Variants in CEMIP observed in about 807,000 individuals in gnomAD.
CEMIP encodes cell migration inducing hyaluronidase 1, also known as cell migration-inducing and hyaluronan-binding protein.
Under a neutral mutation model 156.9 loss-of-function variants are expected in CEMIP, and 105 were observed. That is an observed-to-expected ratio of 0.67 (90% CI 0.57 to 0.79). CEMIP has a LOEUF of 0.79. Ranked by LOEUF, CEMIP falls within the 30% of genes least tolerant of loss-of-function variation. The pLI is 0.00. For synonymous variants in CEMIP, 676 were observed against 668.4 expected (o/e 1.01, Z -0.17); for missense variants, 1,457 against 1,769.4 (o/e 0.82, Z 3.17).
rs117237943 is a variant in CEMIP at position 80,904,196 on chromosome 15, A to G, written c.1412-2467A>G. Among the ~76,000 whole-genome samples, 5 of 152,320 alleles carry G rather than the reference A, an allele frequency of 3.3e-5. No homozygotes were observed. In the East Asian group the frequency reaches 9.7e-4, roughly 29 times the overall value. On this transcript the variant is annotated intron_variant, in intron 12 of 29. Transcript: ENST00000394685. ...CCATTGCAGTAAATGAAATCTTTCT[A>G]AGATTATTATTACTTAAAGTCTGAT...
intron 1 of CEMIP, among the ~76,000 whole-genome samples, chr15:80,802,447 T>C (rs977938514): frequency 2.6e-5 from 4 of 152,306 alleles, no homozygotes; most frequent in African/African-American, 9.6e-5. Context: ...TTACCCACAG[T>C]GTCAGCAATG....
At chr15:80,908,534 A>G (rs1010782204) in intron 13 of CEMIP, among the ~76,000 whole-genome samples, 7 of 152,162 alleles carry the variant, frequency 4.6e-5, no homozygotes, top group Non-Finnish European at 8.8e-5. Context: ...GAATGGGTCT[A>G]TGCATATCGT....
At chr15:80,828,518 A>T (rs900581574) in intron 1 of CEMIP, among the ~76,000 whole-genome samples, 3 of 152,248 alleles carry the variant, frequency 2.0e-5, no homozygotes, top group Non-Finnish European at 4.4e-5. Context: ...CTTGATTTGA[A>T]AGACATATTT....
rs187392551 is a variant in CEMIP, at chr15:80,903,228, C to T, written c.1412-3435C>T. The T allele has an allele frequency of 4.7e-3, 722 of 152,342 alleles. 3 individuals carry two copies. Among genetic ancestry groups the T allele is most frequent in the Middle Eastern group, 0.02 (6 of 294 alleles). 9.4% of individuals were successfully genotyped at this position (152,342 alleles called of 1,614,324 possible). A position where few individuals can be genotyped will look rare whatever the true frequency, so the allele number is the denominator to read the frequency against. On this transcript the variant is annotated intron_variant, in intron 12 of 29. Coordinates refer to ENST00000394685, the MANE Select transcript of CEMIP (RefSeq NM_001293298.2). ...GATGCTGGCAAGTTGAGAGAAGCAC[C>T]CAGAGCACCAGGATGCACGTGCTGT...
chr15:80,926,836 C>CTTTTTTTTTTTTTTTTTTTT (rs796068914), intron 19 of CEMIP, among the ~76,000 whole-genome samples: 3 of 106,766 alleles, frequency 2.8e-5, no homozygotes, highest in African/African-American at 1.6e-4. Flanking sequence ...GGGGGGTCTT[C>CTTTTTTTTTTTTTTTTTTTT]TTTTTTTTTT....
chr15:80,803,555 T>C (rs1896435063), intron 1 of CEMIP, among the ~76,000 whole-genome samples: 1 of 152,152 alleles, frequency 6.6e-6, no homozygotes, highest in Non-Finnish European at 1.5e-5. Context: ...AAGATGACAA[T>C]GATGATGCTG....
chr15:80,823,375 C>T (rs1157223174), intron 1 of CEMIP, among the ~76,000 whole-genome samples: 4 of 152,108 alleles, frequency 2.6e-5, no homozygotes, highest in Admixed American at 6.5e-5. Context: ...GAGATGATGC[C>T]GTCAGTGAGA....
intron 16 of CEMIP, among the ~76,000 whole-genome samples, 176 bp from the exon 17 acceptor site, chr15:80,921,831 ACT>A (rs1900482591): frequency 2.0e-5 from 3 of 152,178 alleles, no homozygotes; most frequent in Admixed American, 1.3e-4. Context: ...TCTACTTTTC[ACT>A]GTTTTCCCCC....
chr15:80,784,944 C>G (rs1895891458), intron 1 of CEMIP, among the ~76,000 whole-genome samples: 2 of 152,128 alleles, frequency 1.3e-5, no homozygotes, highest in Non-Finnish European at 2.9e-5. Context: ...TGAGGAAGCC[C>G]AGCTGGTCTG....
At chr15:80,907,230 C>G (rs971809771) in intron 13 of CEMIP, among the ~76,000 whole-genome samples, 2 of 152,206 alleles carry the variant, frequency 1.3e-5, no homozygotes, top group African/African-American at 4.8e-5. Flanking sequence ...GGATCCATTA[C>G]CATATAGATA....
intron 1 of CEMIP, among the ~76,000 whole-genome samples, chr15:80,844,243 C>T (rs1382300283): frequency 6.6e-6 from 1 of 152,226 alleles, no homozygotes; most frequent in African/African-American, 2.4e-5. Flanking sequence ...GTCGCGCCCT[C>T]CCCCTGCCTG....
At position 80,855,483 on chromosome 15, in the gene CEMIP, A is replaced by C. The variant is rs368667019; in HGVS notation, c.-175-18055A>C. On this transcript the variant is annotated intron_variant, in intron 1 of 29. Transcript: ENST00000394685. ...TCGTTCTCACTGCATTTTGGTAGCA[A>C]AGTTGTGCCTTCTTTTTTTTTTTCT... Among the ~76,000 whole-genome samples the C allele has an allele frequency of 1.2e-4, 19 of 152,222 alleles. No homozygotes were observed. The East Asian group carries it at 2.7e-3, about 22-fold the overall frequency.
chr15:80,880,792 C>T (rs1350533211), intron 5 of CEMIP, 108 bp from the exon 6 acceptor site: 42 of 866,794 alleles, frequency 4.8e-5, no homozygotes, highest in East Asian at 1.9e-4. Context: ...CTATGGTGGC[C>T]GTGGTGGGGG....
intron 1 of CEMIP, among the ~76,000 whole-genome samples, chr15:80,829,966 G>GTGTT (rs1491573757): frequency 8.8e-4 from 4 of 4,570 alleles, no homozygotes; most frequent in African/African-American, 1.5e-3. Context: ...GAGGTAGCGG[G>GTGTT]TGTGTGTGTG....
chr15:80,933,095 A>G, intron 22 of CEMIP, 150 bp from the exon 23 acceptor site: 2 of 690,556 alleles, frequency 2.9e-6, no homozygotes, highest in Non-Finnish European at 5.1e-6. Context: ...CGGAGGGGTC[A>G]GCCACGTGGT....
chr15:80,924,496 A>C (rs1900584731), intron 17 of CEMIP, 125 bp from the exon 18 acceptor site: 3 of 807,766 alleles, frequency 3.7e-6, no homozygotes, highest in Non-Finnish European at 2.1e-6. Flanking sequence ...ACTTCTGTTG[A>C]TGCAGCCTGA....
intron 1 of CEMIP, among the ~76,000 whole-genome samples, chr15:80,836,993 A>G (rs12898298): frequency 0.73 from 111,529 of 152,142 alleles, 41,666 homozygotes; most frequent in East Asian, 0.85. Flanking sequence ...CTAGCTCCCA[A>G]CTACCAGAGC....
chr15:80,780,893 A>G (rs909824975), intron 1 of CEMIP, among the ~76,000 whole-genome samples: 1 of 152,316 alleles, frequency 6.6e-6, no homozygotes, highest in African/African-American at 2.4e-5. Context: ...GGAAAGAGGA[A>G]AGGGACTGAG....
chr15:80,899,839 T>C (rs1158577764), intron 12 of CEMIP, among the ~76,000 whole-genome samples: 3 of 152,224 alleles, frequency 2.0e-5, no homozygotes, highest in Non-Finnish European at 4.4e-5. Flanking sequence ...TGAATGACTA[T>C]GTGTCACCCA....
Sources: gnomAD v4.1 joint callset for allele counts (sites outside exome capture counted in the v4.1 genomes callset) on GRCh38, gnomAD v4.1.1 for gene constraint, MANE v1.5 for transcripts, NCBI Gene and HGNC (gene_info 2026-07-23, HGNC 2026-07-21) for gene names.